The following RANBP2 variants were observed in gnomAD, a reference collection of about 807,000 sequenced individuals.
RANBP2 encodes E3 SUMO-protein ligase RanBP2.
Under a neutral mutation model 303.6 loss-of-function variants are expected in RANBP2, and 57 were observed. The observed-to-expected ratio is 0.19, with a 90% CI of 0.15 to 0.23. The LOEUF (loss-of-function observed/expected upper bound fraction) is 0.23, where lower values mean the gene tolerates loss of function less well. Ranked by LOEUF, RANBP2 falls within the 10% of genes least tolerant of loss-of-function variation. The pLI is 1.00. For missense variants in RANBP2, 3,138 were observed against 3,780.8 expected, an observed-to-expected ratio of 0.83 and a Z score of 4.46; for synonymous variants, 1,167 against 1,301.5, an observed-to-expected ratio of 0.90 and a Z score of 2.23.
Position 108,766,032 on chromosome 2 carries a change from C to G in RANBP2, c.5493C>G (p.Asp1831Glu). The change falls in exon 20 of 29, where the codon GAC (aspartate) becomes GAG (glutamate). Residue 1831 changes from aspartate (D) to glutamate (E), a missense_variant. Physicochemically the swap from Asp to Glu is conservative, Grantham distance 45. Coordinates refer to ENST00000283195, the MANE Select transcript of RANBP2 (RefSeq NM_006267.5). ...FTLGSEMKLH[D>E]SSGSQVGTGF... ...TGGGCTCAGAAATGAAGTTGCATGA[C>G]TCTTCTGGAAGTCAGGTGGGAACAG... 2 of 1,614,140 alleles carry G rather than the reference C, an allele frequency of 1.2e-6. No individual in the cohort carries two copies. Among genetic ancestry groups the G allele is most frequent in the Non-Finnish European group, 1.7e-6 (2 of 1,179,992 alleles).
the RANBP2 span, among the ~76,000 whole-genome samples, chr2:109,519,851 AG>A: frequency 5.1e-3 from 781 of 152,312 alleles, 8 homozygotes; most frequent in African/African-American, 0.018. Flanking sequence ...GATGGAGAAC[AG>A]GTGAGTGGTT....
At chr2:109,325,345 T>C in the RANBP2 span, among the ~76,000 whole-genome samples, 3 of 136,930 alleles carry the variant, frequency 2.2e-5, no homozygotes, top group African/African-American at 8.3e-5. Context: ...TTTTTTTTTT[T>C]TTTTTTTTTT....
chr2:109,523,495 T>G, the RANBP2 span, among the ~76,000 whole-genome samples: 1 of 152,158 alleles, frequency 6.6e-6, no homozygotes. Flanking sequence ...ACCCAAGATG[T>G]GCCGTGATAC....
the RANBP2 span, among the ~76,000 whole-genome samples, chr2:109,709,791 T>C: frequency 6.6e-6 from 1 of 152,310 alleles, no homozygotes; most frequent in South Asian, 2.1e-4. Flanking sequence ...AAAATGATTT[T>C]AAAAGTGATT....
At chr2:108,990,457 AAT>A in the RANBP2 span, among the ~76,000 whole-genome samples, 4 of 150,644 alleles carry the variant, frequency 2.7e-5, no homozygotes, top group African/African-American at 7.4e-5. Flanking sequence ...AAAAAAAAAA[AAT>A]ATACAAAAAT....
In RANBP2 at chr2:108,782,611, T is replaced by C. The variant is rs1678333141; in HGVS notation, c.9118T>C (p.Cys3040Arg). ...ADCFKKTFEE[C>R]QQNLMKLQKG... is the part of the protein sequence containing the mutation. Reference sequence around the variant, plus strand: ...TTGTTTCAAGAAAACATTTGAAGAATGTCAGCAGAATTTAATGAAACTCCA... The same window carrying C: ...TTGTTTCAAGAAAACATTTGAAGAACGTCAGCAGAATTTAATGAAACTCCA... The change falls in exon 28 of 29, where the codon TGT becomes CGT. Residue 3040 changes from cysteine to arginine, a missense_variant. This residue lies in a region of RANBP2 where 204 missense variants were observed against 228.4 expected (regional missense o/e 0.89). Coordinates refer to ENST00000283195, the MANE Select transcript of RANBP2 (RefSeq NM_006267.5). The C allele has an allele frequency of 5.6e-6, 9 of 1,614,224 alleles. No homozygotes were observed. The highest frequency in any genetic ancestry group is 7.6e-6 in the Non-Finnish European group (9 of 1,180,048).
chr2:109,067,164 C>T, the RANBP2 span, among the ~76,000 whole-genome samples: 17 of 151,918 alleles, frequency 1.1e-4, no homozygotes, highest in South Asian at 4.1e-4. Context: ...GCTTGTTCAG[C>T]GAAGGACGCA....
At chr2:108,813,693 A>G in the RANBP2 span, among the ~76,000 whole-genome samples, 2 of 152,232 alleles carry the variant, frequency 1.3e-5, no homozygotes, top group Non-Finnish European at 2.9e-5. Flanking sequence ...ATTTTGATAA[A>G]TATTTCATGT....
At chr2:109,206,228 C>A in the RANBP2 span, among the ~76,000 whole-genome samples, 1 of 152,048 alleles carries the variant, frequency 6.6e-6, no homozygotes, top group Non-Finnish European at 1.5e-5. Context: ...CGGTGGCTCA[C>A]GCCTGTAATC....
chr2:108,760,135 A>G (rs1468230732), intron 18 of RANBP2, among the ~76,000 whole-genome samples: 1 of 152,162 alleles, frequency 6.6e-6, no homozygotes, highest in Non-Finnish European at 1.5e-5. Context: ...TTTTTTAAAA[A>G]TAAGATGATT....
At chr2:109,149,627 C>T in the RANBP2 span, among the ~76,000 whole-genome samples, 1 of 152,168 alleles carries the variant, frequency 6.6e-6, no homozygotes, top group Non-Finnish European at 1.5e-5. Flanking sequence ...TCTCCCTGCA[C>T]GTGTCCATTG....
the RANBP2 span, among the ~76,000 whole-genome samples, chr2:109,265,791 A>G: frequency 6.6e-6 from 1 of 152,248 alleles, no homozygotes; most frequent in Non-Finnish European, 1.5e-5. Context: ...AAAGCTTTTA[A>G]TATGCAGGGT....
chr2:109,371,346 C>T, the RANBP2 span, among the ~76,000 whole-genome samples: 1 of 152,192 alleles, frequency 6.6e-6, no homozygotes, highest in East Asian at 1.9e-4. Flanking sequence ...GCGGAGATTG[C>T]GCCACTGCAC....
the RANBP2 span, among the ~76,000 whole-genome samples, chr2:109,774,545 T>C: frequency 2.0e-5 from 2 of 99,200 alleles, no homozygotes; most frequent in South Asian, 3.3e-4. Flanking sequence ...ATATAAAATA[T>C]ATATAATATA....
the RANBP2 span, among the ~76,000 whole-genome samples, chr2:109,417,855 G>T: frequency 6.6e-6 from 1 of 152,132 alleles, no homozygotes; most frequent in Non-Finnish European, 1.5e-5. Flanking sequence ...GGTGGCCGGC[G>T]GCATGCAGAG....
the RANBP2 span, among the ~76,000 whole-genome samples, chr2:108,897,919 C>T: frequency 8.5e-5 from 13 of 152,246 alleles, no homozygotes; most frequent in Admixed American, 2.6e-4. Context: ...CTAGGGACCT[C>T]GATACCTTAG....
the RANBP2 span, among the ~76,000 whole-genome samples, chr2:109,189,681 T>C: frequency 6.6e-6 from 1 of 152,138 alleles, no homozygotes; most frequent in Non-Finnish European, 1.5e-5. Context: ...ATTTAATGTA[T>C]TGTGTAATAA....
the RANBP2 span, among the ~76,000 whole-genome samples, chr2:109,170,223 T>C: frequency 1.4e-5 from 1 of 72,092 alleles, no homozygotes; most frequent in East Asian, 4.3e-4. Flanking sequence ...CTCTTTTTTC[T>C]CTTCTCTTCT....
chr2:109,604,911 C>T, the RANBP2 span: 2 of 152,158 alleles, frequency 1.3e-5, no homozygotes, highest in African/African-American at 4.8e-5. Flanking sequence ...GTGACTCAAA[C>T]TAAGGTCACT....
Sources: allele counts gnomAD v4.1 joint callset (sites outside exome capture counted in the v4.1 genomes callset), GRCh38; gene constraint gnomAD v4.1.1; regional missense constraint gnomAD v4.1.1; transcripts MANE v1.5; gene names NCBI Gene and HGNC (gene_info 2026-07-23, HGNC 2026-07-21).